RAC1: variants seen among roughly 807,000 people sequenced by gnomAD.
RAC1 encodes the protein Rac family small GTPase 1.
In RAC1, 2 loss-of-function variants were observed where a neutral mutation model predicts 25.2. That is an observed-to-expected ratio of 0.08 (90% CI 0.03 to 0.25). RAC1 has a LOEUF of 0.25. Ranked by LOEUF, RAC1 falls within the 10% of genes least tolerant of loss-of-function variation. RAC1 has a pLI of 1.00. For synonymous variants in RAC1, 88 were observed against 94.0 expected, an observed-to-expected ratio of 0.94 and a Z score of 0.37; for missense variants, 50 against 235.7, an observed-to-expected ratio of 0.21 and a Z score of 5.16.
intron 3 of RAC1, chr7:6,398,822 T>A: frequency 1.8e-6 from 2 of 1,091,924 alleles, no homozygotes; most frequent in Non-Finnish European, 1.4e-6. Flanking sequence ...CCTTGAGTGT[T>A]TTATATTTAA....
intron 3 of RAC1, among the ~76,000 whole-genome samples, chr7:6,396,411 A>G (rs556956473): frequency 2.0e-5 from 3 of 152,304 alleles, no homozygotes; most frequent in South Asian, 2.1e-4. Context: ...TTGGGAAGCT[A>G]TATTTAGCTG....
At chr7:6,401,205 C>T (rs899811060) in intron 4 of RAC1, among the ~76,000 whole-genome samples, 2 of 152,148 alleles carry the variant, frequency 1.3e-5, no homozygotes, top group Admixed American at 1.3e-4. Context: ...ATCCACCCGC[C>T]GCAGACTCCC....
chr7:6,380,622 T>C (rs937327355), intron 1 of RAC1, among the ~76,000 whole-genome samples: 2 of 152,214 alleles, frequency 1.3e-5, no homozygotes, highest in African/African-American at 4.8e-5. Context: ...CAAGAGTCTT[T>C]GCCACCAAGG....
chr7:6,387,802 A>G (rs1474316785), intron 2 of RAC1, among the ~76,000 whole-genome samples: 2 of 152,166 alleles, frequency 1.3e-5, no homozygotes, highest in East Asian at 3.8e-4. Flanking sequence ...GACATCCAGA[A>G]AGCAAACTTT....
chr7:6,400,327 GTTTT>G (rs58955862), intron 4 of RAC1, 139 bp downstream of exon 4: 11 of 607,402 alleles, frequency 1.8e-5, no homozygotes, highest in Non-Finnish European at 3.0e-5. Context: ...ACATGATTGG[GTTTT>G]TTTTTTTCTT....
chr7:6,386,298 C>T (rs1314559162), intron 1 of RAC1, among the ~76,000 whole-genome samples: 1 of 152,074 alleles, frequency 6.6e-6, no homozygotes, highest in Non-Finnish European at 1.5e-5. Flanking sequence ...CATTTAAATA[C>T]AGCTGAATCA....
intron 1 of RAC1, among the ~76,000 whole-genome samples, chr7:6,385,726 G>T (rs34531548): frequency 0.011 from 1,723 of 152,296 alleles, 40 homozygotes; most frequent in East Asian, 0.11. Context: ...TGCCTTGAGT[G>T]TGAGGGAAAA....
Position 6,400,587 on chromosome 7 carries a change from A to T in RAC1, c.288+399A>T, listed in dbSNP as rs568254971. Among the ~76,000 whole-genome samples, 4 of 152,284 alleles carry T rather than the reference A, an allele frequency of 2.6e-5. No homozygotes were observed. In the South Asian group the frequency reaches 8.3e-4, roughly 32 times the overall value. ...GTGATCTTTCAGCTTCAGCCTCCCA[A>T]AGTGGTGGGATTATAGCTGTGAGCC... On this transcript the variant is annotated intron_variant, in intron 4 of 5. Coordinates refer to ENST00000348035, the MANE Select transcript of RAC1 (RefSeq NM_006908.5).
At chr7:6,393,113 A>G (rs1006638224) in intron 3 of RAC1, among the ~76,000 whole-genome samples, 9 of 152,164 alleles carry the variant, frequency 5.9e-5, no homozygotes, top group African/African-American at 2.2e-4. Flanking sequence ...GAGGTCAGGA[A>G]GACATCCTAG....
chr7:6,397,483 C>T lies in RAC1; in HGVS notation c.226-2643C>T, dbSNP rs182068699. Among the ~76,000 whole-genome samples, 428 of 151,898 alleles carry T rather than the reference C, an allele frequency of 2.8e-3. 2 individuals are homozygous for T. Among genetic ancestry groups the T allele is most frequent in the African/African-American group, 9.5e-3 (393 of 41,492 alleles). On this transcript the variant is annotated intron_variant, in intron 3 of 5. Coordinates refer to ENST00000348035, the MANE Select transcript of RAC1 (RefSeq NM_006908.5). ...TAATTTTTTGTATTTTTAGTAGACACAGGGTTTCACCATCTTGGCCAGGTT... is the reference window on the plus strand; with the variant it reads ...TAATTTTTTGTATTTTTAGTAGACATAGGGTTTCACCATCTTGGCCAGGTT...
chr7:6,397,819 C>T (rs867203153), intron 3 of RAC1, among the ~76,000 whole-genome samples: 8 of 152,046 alleles, frequency 5.3e-5, no homozygotes, highest in Admixed American at 3.3e-4. Context: ...GAAACCTGGT[C>T]TCTACTAAAA....
At chr7:6,381,824 T>C (rs1782773659) in intron 1 of RAC1, among the ~76,000 whole-genome samples, 1 of 152,218 alleles carries the variant, frequency 6.6e-6, no homozygotes, top group Non-Finnish European at 1.5e-5. Context: ...ACAGATTTTA[T>C]CTGCATAGTT....
intron 1 of RAC1, among the ~76,000 whole-genome samples, chr7:6,384,982 T>A (rs1782882038): frequency 6.6e-6 from 1 of 151,674 alleles, no homozygotes. Flanking sequence ...ATTTTTGTAT[T>A]TTTAGTAGAG....
chr7:6,389,509 G>T (rs1050633575), intron 2 of RAC1, among the ~76,000 whole-genome samples: 1 of 151,862 alleles, frequency 6.6e-6, no homozygotes, highest in Non-Finnish European at 1.5e-5. Context: ...GTGAAACCCT[G>T]TCTCTACTAA....
intron 4 of RAC1, among the ~76,000 whole-genome samples, chr7:6,401,033 T>A (rs1294468250): frequency 6.6e-6 from 1 of 152,080 alleles, no homozygotes; most frequent in Non-Finnish European, 1.5e-5. Context: ...CTTGGGTCAC[T>A]GCAACCTCCC....
chr7:6,397,394 A>G (rs569408258), intron 3 of RAC1, among the ~76,000 whole-genome samples: 5 of 152,046 alleles, frequency 3.3e-5, no homozygotes, highest in African/African-American at 1.2e-4. Flanking sequence ...TCCCGGGTTC[A>G]AGCAGTTCTC....
intron 1 of RAC1, among the ~76,000 whole-genome samples, chr7:6,385,688 A>G (rs1311683180): frequency 2.0e-5 from 3 of 152,212 alleles, no homozygotes; most frequent in Non-Finnish European, 4.4e-5. Flanking sequence ...GTGAATGAAT[A>G]TTGGCAAGAC....
At chr7:6,381,079 G>A (rs1485020121) in intron 1 of RAC1, among the ~76,000 whole-genome samples, 1 of 152,120 alleles carries the variant, frequency 6.6e-6, no homozygotes, top group Admixed American at 6.6e-5. Context: ...TCTTGGCCAG[G>A]CTGGTCTGGA....
At chr7:6,393,010 G>C (rs1185709652) in intron 3 of RAC1, among the ~76,000 whole-genome samples, 3 of 152,212 alleles carry the variant, frequency 2.0e-5, no homozygotes, top group Admixed American at 6.5e-5. Flanking sequence ...GGCCTAAAGA[G>C]TGCTGCTTTC....
Sources: gnomAD v4.1 joint callset for allele counts (sites outside exome capture counted in the v4.1 genomes callset) on GRCh38, gnomAD v4.1.1 for gene constraint, MANE v1.5 for transcripts, NCBI Gene and HGNC (gene_info 2026-07-23, HGNC 2026-07-21) for gene names.